The following KDM4C variants were observed in gnomAD, a reference collection of about 807,000 sequenced individuals.
KDM4C encodes the protein lysine demethylase 4C.
A neutral mutation model predicts 129.3 loss-of-function variants in KDM4C; 81 were observed. That is an observed-to-expected ratio of 0.63 (90% CI 0.52 to 0.75). The LOEUF (loss-of-function observed/expected upper bound fraction) is 0.75, where lower values mean the gene tolerates loss of function less well. Ranked by LOEUF, KDM4C falls within the 30% of genes least tolerant of loss-of-function variation. The pLI is 0.00. For synonymous variants in KDM4C, 573 were observed against 456.1 expected (o/e 1.26, Z -3.26); for missense variants, 1,457 against 1,304.0 (o/e 1.12, Z -1.81).
intron 19 of KDM4C, among the ~76,000 whole-genome samples, chr9:7,151,276 G>A (rs1375230639): frequency 6.6e-6 from 1 of 151,122 alleles, no homozygotes; most frequent in Non-Finnish European, 1.5e-5. Flanking sequence ...TGAGGACATT[G>A]GCCAAGTGTG....
At chr9:6,825,956 G>T (rs922897865) in intron 4 of KDM4C, among the ~76,000 whole-genome samples, 2 of 152,054 alleles carry the variant, frequency 1.3e-5, no homozygotes, top group Non-Finnish European at 2.9e-5. Context: ...GACTACGTGT[G>T]TGCGCCACCA....
At chr9:7,095,473 A>G (rs1021024720) in intron 17 of KDM4C, among the ~76,000 whole-genome samples, 1 of 151,992 alleles carries the variant, frequency 6.6e-6, no homozygotes, top group Non-Finnish European at 1.5e-5. Context: ...TGCTTCCATA[A>G]TGCCAATAGC....
chr9:6,864,173 C>T (rs1318802041), intron 5 of KDM4C, among the ~76,000 whole-genome samples: 1 of 152,018 alleles, frequency 6.6e-6, no homozygotes, highest in Non-Finnish European at 1.5e-5. Context: ...TTTAAGATTT[C>T]TTGTAAGATG....
rs60135581 is a variant in KDM4C, at chr9:6,976,076, T to TC, written c.922-4849_922-4848insC. On this transcript the variant is annotated intron_variant, in intron 8 of 21. Transcript: ENST00000381309. Reference sequence around the variant, plus strand: ...AAAATCAGTTAGGGGATTATACCTTTTTTGTTTTTTGTTTTTGAGACTAAC... The same window carrying TC: ...AAAATCAGTTAGGGGATTATACCTTTCTTTGTTTTTTGTTTTTGAGACTAAC... Among the ~76,000 whole-genome samples, 1,516 of 151,992 alleles carry TC rather than the reference T, an allele frequency of 1.0e-2. 32 individuals carry two copies. The highest frequency in any genetic ancestry group is 0.035 in the African/African-American group (1,455 of 41,500).
At chr9:6,851,526 G>A (rs556358070) in intron 5 of KDM4C, among the ~76,000 whole-genome samples, 1 of 152,196 alleles carries the variant, frequency 6.6e-6, no homozygotes, top group South Asian at 2.1e-4. Flanking sequence ...AATGAAATGG[G>A]TGAATTCAAC....
intron 10 of KDM4C, 59 bp from the exon 11 acceptor site, chr9:6,986,285 A>G (rs1384299452): frequency 3.4e-6 from 4 of 1,191,662 alleles, no homozygotes; most frequent in Non-Finnish European, 3.6e-6. Flanking sequence ...TAGTTTACCA[A>G]TTCTACTTAG....
chr9:6,800,345 C>G lies in KDM4C; in HGVS notation c.145-5254C>G, dbSNP rs574662281. ...TTGCTCCACTGCACTCTAGCCTGGGCAACAGTGAGACTCCATCTCAAAAAG... is the reference window on the plus strand; with the variant it reads ...TTGCTCCACTGCACTCTAGCCTGGGGAACAGTGAGACTCCATCTCAAAAAG... On this transcript the variant is annotated intron_variant, in intron 2 of 21. Transcript: ENST00000381309. Among the ~76,000 whole-genome samples, 706 of 152,014 alleles carry G rather than the reference C, an allele frequency of 4.6e-3. 4 individuals are homozygous for G. Among genetic ancestry groups the G allele is most frequent in the Non-Finnish European group, 4.6e-3 (316 of 67,980 alleles).
chr9:6,814,714 G>C lies in KDM4C; in HGVS notation c.404G>C (p.Gly135Ala). The C allele has an allele frequency of 6.2e-7, 1 of 1,609,768 alleles. No homozygotes were observed. ...TTAACTTTTGTGGCACCTATCTATG[G>C]TGCAGATATTAATGGGAGCATATAT... ...KNLTFVAPIY[G>A]ADINGSIYDE... is the part of the protein sequence containing the mutation. The change falls in exon 4 of 22, where the codon GGT (glycine) becomes GCT (alanine). Residue 135 changes from glycine to alanine, a missense_variant. Coordinates refer to ENST00000381309, the MANE Select transcript of KDM4C (RefSeq NM_015061.6).
chr9:7,126,359 G>A (rs1038072180), intron 18 of KDM4C, among the ~76,000 whole-genome samples: 12 of 152,182 alleles, frequency 7.9e-5, no homozygotes, highest in Admixed American at 4.6e-4. Context: ...TGTCATTTGT[G>A]TTAGTTTTTC....
At chr9:6,927,384 C>T (rs908924197) in intron 8 of KDM4C, among the ~76,000 whole-genome samples, 2 of 152,226 alleles carry the variant, frequency 1.3e-5, no homozygotes, top group Admixed American at 6.5e-5. Context: ...CCTGCCTTGG[C>T]TTCCCAAAGT....
intron 1 of KDM4C, among the ~76,000 whole-genome samples, chr9:6,779,222 G>A (rs1023333363): frequency 1.3e-5 from 2 of 149,758 alleles, no homozygotes; most frequent in Admixed American, 6.7e-5. Flanking sequence ...TAGAGATGGG[G>A]TTTCACCGTG....
At chr9:6,949,262 C>G (rs1827632808) in intron 8 of KDM4C, among the ~76,000 whole-genome samples, 1 of 151,056 alleles carries the variant, frequency 6.6e-6, no homozygotes, top group South Asian at 2.1e-4. Flanking sequence ...TGCGGCCGGG[C>G]AGAGGCGCTC....
intron 1 of KDM4C, among the ~76,000 whole-genome samples, chr9:6,764,614 C>G (rs148424669): frequency 6.6e-6 from 1 of 152,118 alleles, no homozygotes; most frequent in Non-Finnish European, 1.5e-5. Flanking sequence ...TTAACTGTTG[C>G]ACTGTATACT....
chr9:6,756,625 G>A (rs959386366), upstream of KDM4C, among the ~76,000 whole-genome samples: 1 of 152,216 alleles, frequency 6.6e-6, no homozygotes, highest in Non-Finnish European at 1.5e-5. Flanking sequence ...GCTGAGGCAG[G>A]AGAATCTCTC....
chr9:7,058,588 A>T (rs1041809959), intron 17 of KDM4C, among the ~76,000 whole-genome samples: 2 of 152,216 alleles, frequency 1.3e-5, no homozygotes, highest in African/African-American at 4.8e-5. Flanking sequence ...CCAAGGCATC[A>T]AATTGCACTA....
chr9:6,811,753 G>T (rs1199536996), intron 3 of KDM4C, among the ~76,000 whole-genome samples: 1 of 152,124 alleles, frequency 6.6e-6, no homozygotes, highest in African/African-American at 2.4e-5. Context: ...TCAGCCCCGT[G>T]TCTAGGGTTT....
At chr9:6,817,385 T>G (rs1444303399) in intron 4 of KDM4C, among the ~76,000 whole-genome samples, 1 of 151,916 alleles carries the variant, frequency 6.6e-6, no homozygotes, top group Non-Finnish European at 1.5e-5. Flanking sequence ...AAATGTTTTT[T>G]GTAAAGACAG....
intron 10 of KDM4C, 69 bp downstream of exon 10, chr9:6,984,473 A>T (rs1817337072): frequency 1.0e-6 from 1 of 989,906 alleles, no homozygotes; most frequent in African/African-American, 1.6e-5. Context: ...TCTTAAATGG[A>T]TGTTCACTAT....
At chr9:6,915,335 C>T (rs1327656182) in intron 8 of KDM4C, among the ~76,000 whole-genome samples, 3 of 152,118 alleles carry the variant, frequency 2.0e-5, no homozygotes, top group Non-Finnish European at 4.4e-5. Context: ...TAGGGGGTTG[C>T]ATAGTAAAGC....
Sources: gnomAD v4.1 joint callset for allele counts (sites outside exome capture counted in the v4.1 genomes callset) on GRCh38, gnomAD v4.1.1 for gene constraint, MANE v1.5 for transcripts, NCBI Gene and HGNC (gene_info 2026-07-23, HGNC 2026-07-21) for gene names.